The following LHFPL6 variants were observed in gnomAD, a reference collection of about 807,000 sequenced individuals.
The protein encoded by LHFPL6 is LHFPL tetraspan subfamily member 6, also known as LHFPL tetraspan subfamily member 6 protein.
LHFPL6 carries 9 observed loss-of-function variants against 20.6 expected under a neutral mutation model. The observed-to-expected ratio is 0.44, with a 90% CI of 0.26 to 0.76. The LOEUF (loss-of-function observed/expected upper bound fraction) is 0.76. LHFPL6 is among the 30% of genes least tolerant of loss of function. The pLI is 0.20. For synonymous variants in LHFPL6, 105 were observed against 98.7 expected, an observed-to-expected ratio of 1.06 and a Z score of -0.38; for missense variants, 218 against 253.5, an observed-to-expected ratio of 0.86 and a Z score of 0.95.
At chr13:39,372,112 C>A (rs1870179949) in intron 3 of LHFPL6, among the ~76,000 whole-genome samples, 3 of 151,980 alleles carry the variant, frequency 2.0e-5, no homozygotes, top group Middle Eastern at 3.4e-3. Context: ...TTAGCTCCTG[C>A]CTTGCTATAA....
At chr13:39,458,165 G>A (rs191131162) in intron 2 of LHFPL6, among the ~76,000 whole-genome samples, 15 of 152,212 alleles carry the variant, frequency 9.9e-5, no homozygotes, top group East Asian at 3.9e-4. Context: ...TGAAGAAGGC[G>A]AGAGAAAAGG....
At chr13:39,422,176 A>C (rs1871508836) in intron 2 of LHFPL6, among the ~76,000 whole-genome samples, 1 of 152,254 alleles carries the variant, frequency 6.6e-6, no homozygotes, top group Non-Finnish European at 1.5e-5. Context: ...GTACCAGGAA[A>C]TGACAAGTTA....
chr13:39,435,617 G>T (rs1025565922), intron 2 of LHFPL6, among the ~76,000 whole-genome samples: 1 of 152,098 alleles, frequency 6.6e-6, no homozygotes, highest in African/African-American at 2.4e-5. Context: ...AAGACAGGAT[G>T]GTGGATTTAA....
chr13:39,387,634 G>A (rs1870600251), intron 2 of LHFPL6, among the ~76,000 whole-genome samples: 1 of 151,416 alleles, frequency 6.6e-6, no homozygotes, highest in Non-Finnish European at 1.5e-5. Flanking sequence ...GCAGGCCTAT[G>A]CTCATAAATC....
At chr13:39,488,909 T>C (rs1388569444) in intron 2 of LHFPL6, among the ~76,000 whole-genome samples, 1 of 152,204 alleles carries the variant, frequency 6.6e-6, no homozygotes, top group Non-Finnish European at 1.5e-5. Context: ...CAGCTTTAGA[T>C]TCTATCTCCT....
chr13:39,343,890 C>G lies in LHFPL6; in HGVS notation c.*46G>C, dbSNP rs17529476. The G allele has an allele frequency of 6.8e-7, 1 of 1,475,416 alleles. No individual in the cohort carries two copies. Among genetic ancestry groups the G allele is most frequent in the Non-Finnish European group, 9.5e-7 (1 of 1,057,572 alleles). The allele number at this position is 1,475,416 out of a possible 1,614,324, so 91.4% of individuals were successfully genotyped here. On this transcript the variant is annotated 3_prime_UTR_variant, in exon 4 of 4. Coordinates refer to ENST00000379589, the MANE Select transcript of LHFPL6 (RefSeq NM_005780.3). ...AGGTGGATGTTTTGACCTCTCCAAG[C>G]CCCTTTGGCCCATCTTCTCCTCTGT...
chr13:39,574,547 A>G (rs1222092640), intron 2 of LHFPL6, among the ~76,000 whole-genome samples: 1 of 152,086 alleles, frequency 6.6e-6, no homozygotes, highest in Admixed American at 6.5e-5. Context: ...ATAATAGGTC[A>G]TATTTCATAT....
chr13:39,537,155 G>A (rs1047485242), intron 2 of LHFPL6, among the ~76,000 whole-genome samples: 1 of 152,060 alleles, frequency 6.6e-6, no homozygotes. Flanking sequence ...TCACTCTAGC[G>A]CTCCTCTTGC....
At chr13:39,352,970 C>T (rs11617268) in intron 3 of LHFPL6, among the ~76,000 whole-genome samples, 13,075 of 59,118 alleles carry the variant, frequency 0.22, 1,840 homozygotes, top group Admixed American at 0.3. Context: ...TACACACACA[C>T]ACATATATAT....
At chr13:39,345,556 C>T (rs910248493) in intron 3 of LHFPL6, among the ~76,000 whole-genome samples, 8 of 102,378 alleles carry the variant, frequency 7.8e-5, no homozygotes, top group Non-Finnish European at 1.7e-4. Flanking sequence ...AAAATCACAT[C>T]CCTTCTTTTC....
At chr13:39,365,196 C>T (rs887383663) in intron 3 of LHFPL6, among the ~76,000 whole-genome samples, 3 of 152,184 alleles carry the variant, frequency 2.0e-5, no homozygotes, top group Admixed American at 2.0e-4. Context: ...CTAATTACTG[C>T]TCCTCCATGT....
At chr13:39,479,985 T>G (rs1361287881) in intron 2 of LHFPL6, among the ~76,000 whole-genome samples, 2 of 152,156 alleles carry the variant, frequency 1.3e-5, no homozygotes. Flanking sequence ...CTTTTTTCGA[T>G]CCACATTATA....
At chr13:39,579,675 G>A (rs548938749) in intron 2 of LHFPL6, among the ~76,000 whole-genome samples, 15 of 152,044 alleles carry the variant, frequency 9.9e-5, no homozygotes, top group African/African-American at 2.2e-4. Flanking sequence ...CAATTCCCCC[G>A]AGGATCAGAA....
chr13:39,405,078 T>A (rs1871086480), intron 2 of LHFPL6, among the ~76,000 whole-genome samples: 1 of 152,168 alleles, frequency 6.6e-6, no homozygotes. Flanking sequence ...AGCTGGATAA[T>A]GCAGAATATA....
intron 2 of LHFPL6, among the ~76,000 whole-genome samples, chr13:39,575,498 C>A (rs1462611002): frequency 6.6e-6 from 1 of 152,162 alleles, no homozygotes; most frequent in Non-Finnish European, 1.5e-5. Flanking sequence ...CAACTCCTTG[C>A]TAATTTACTA....
At chr13:39,563,921 C>G (rs1192434862) in intron 2 of LHFPL6, among the ~76,000 whole-genome samples, 1 of 152,110 alleles carries the variant, frequency 6.6e-6, no homozygotes, top group Non-Finnish European at 1.5e-5. Context: ...ACACTATCCC[C>G]TAGGGCGGTT....
chr13:39,499,862 G>A (rs1869232886), intron 2 of LHFPL6, among the ~76,000 whole-genome samples: 1 of 152,170 alleles, frequency 6.6e-6, no homozygotes, highest in Non-Finnish European at 1.5e-5. Flanking sequence ...CTTTGAATTG[G>A]GTTTTTGTCA....
intron 2 of LHFPL6, among the ~76,000 whole-genome samples, chr13:39,530,474 C>A (rs1386888278): frequency 2.0e-5 from 3 of 151,860 alleles, no homozygotes. Context: ...GTTCTGTTAC[C>A]GGAGAGTTTC....
chr13:39,505,931 A>G (rs1869462346), intron 2 of LHFPL6, among the ~76,000 whole-genome samples: 1 of 152,230 alleles, frequency 6.6e-6, no homozygotes. Flanking sequence ...GGAGCTATCA[A>G]TAATTTCTCA....
Sources: allele counts gnomAD v4.1 joint callset (sites outside exome capture counted in the v4.1 genomes callset), GRCh38; gene constraint gnomAD v4.1.1; transcripts MANE v1.5; gene names NCBI Gene and HGNC (gene_info 2026-07-23, HGNC 2026-07-21).